Variants in TYW1 observed in about 807,000 individuals in gnomAD.
TYW1 encodes S-adenosyl-L-methionine-dependent tRNA 4-demethylwyosine synthase TYW1.
A neutral mutation model predicts 96.2 loss-of-function variants in TYW1; 46 were observed. That is an observed-to-expected ratio of 0.48 (90% confidence interval 0.38 to 0.61). The LOEUF (loss-of-function observed/expected upper bound fraction) is 0.61, where lower values mean the gene tolerates loss of function less well. Ranked by LOEUF, TYW1 falls within the 20% of genes least tolerant of loss-of-function variation. TYW1 has a pLI of 0.00. For synonymous variants in TYW1, 274 were observed against 323.0 expected (o/e 0.85, Z 1.63); for missense variants, 684 against 909.6 (o/e 0.75, Z 3.19).
chr7:67,037,252 C>T (rs185346521), intron 7 of TYW1, among the ~76,000 whole-genome samples: 219 of 152,136 alleles, frequency 1.4e-3, no homozygotes, highest in Non-Finnish European at 2.1e-3. Context: ...TCACACCTGT[C>T]ATCCCAGCAT....
chr7:67,160,752 C>T (rs1263765243), intron 13 of TYW1, among the ~76,000 whole-genome samples: 1 of 151,374 alleles, frequency 6.6e-6, no homozygotes, highest in Non-Finnish European at 1.5e-5. Context: ...CCACCATGCC[C>T]AGCTAATTTT....
At chr7:67,094,188 G>A (rs1381877097) in intron 11 of TYW1, among the ~76,000 whole-genome samples, 2 of 152,056 alleles carry the variant, frequency 1.3e-5, no homozygotes, top group Non-Finnish European at 2.9e-5. Context: ...TCGTTTTTAT[G>A]GCTGCATAGT....
At chr7:67,074,513 G>A (rs1272078837) in intron 10 of TYW1, among the ~76,000 whole-genome samples, 2 of 152,138 alleles carry the variant, frequency 1.3e-5, no homozygotes, top group African/African-American at 4.8e-5. Context: ...TCCTTAATGA[G>A]ATTTTTAGAA....
At chr7:67,159,649 CCAAT>C (rs1156827124) in intron 13 of TYW1, among the ~76,000 whole-genome samples, 1 of 151,968 alleles carries the variant, frequency 6.6e-6, no homozygotes, top group Non-Finnish European at 1.5e-5. Context: ...GCCACTATTC[CCAAT>C]CATTCAATAT....
chr7:67,025,694 C>T (rs967914884), intron 7 of TYW1, among the ~76,000 whole-genome samples: 3 of 152,038 alleles, frequency 2.0e-5, no homozygotes, highest in African/African-American at 7.2e-5. Flanking sequence ...GTTTCAGTGA[C>T]TAGATGAATG....
At chr7:67,186,268 C>CCCA (rs1370525096) in intron 14 of TYW1, among the ~76,000 whole-genome samples, 1 of 66,156 alleles carries the variant, frequency 1.5e-5, no homozygotes, top group East Asian at 5.0e-4. Context: ...CCTTTCTTCC[C>CCCA]CCCCGCCCCA....
intron 13 of TYW1, among the ~76,000 whole-genome samples, chr7:67,175,170 A>ATT (rs371564844): frequency 0.039 from 5,281 of 136,740 alleles, 156 homozygotes; most frequent in Middle Eastern, 0.093. Flanking sequence ...TTAGTTCAGA[A>ATT]TTTTTTTTTT....
chr7:67,053,802 G>A (rs1795434072), intron 8 of TYW1, among the ~76,000 whole-genome samples: 1 of 152,198 alleles, frequency 6.6e-6, no homozygotes. Flanking sequence ...TGAATGTGCT[G>A]AACAGTACTT....
chr7:67,210,820 C>A (rs1487998724), intron 15 of TYW1, among the ~76,000 whole-genome samples: 1 of 149,590 alleles, frequency 6.7e-6, no homozygotes, highest in Non-Finnish European at 1.5e-5. Flanking sequence ...TCCAGCTAAT[C>A]TCTGTCTATT....
In TYW1 at chr7:67,228,970, T is replaced by G. The variant is rs1260888091; in HGVS notation, c.1978-9338T>G. ...CTTGCCTGTAACTGTTAGGAACTAG[T>G]TCATGTAATGGGAGGAGAATGTACT... is the stretch of plus-strand genomic sequence containing the variant. On this transcript the variant is annotated intron_variant, in intron 15 of 15. Coordinates refer to ENST00000359626, the MANE Select transcript of TYW1 (RefSeq NM_018264.4). Among the ~76,000 whole-genome samples, 6 of 152,242 alleles carry G rather than the reference T, an allele frequency of 3.9e-5. No homozygotes were observed. The South Asian group carries it at 8.3e-4, about 21-fold the overall frequency.
At chr7:67,109,771 T>C (rs1227212274) in intron 12 of TYW1, among the ~76,000 whole-genome samples, 1 of 152,096 alleles carries the variant, frequency 6.6e-6, no homozygotes, top group Non-Finnish European at 1.5e-5. Context: ...TCCCAGCTAC[T>C]CGAGAGGCTG....
chr7:67,199,277 A>AT, intron 15 of TYW1, among the ~76,000 whole-genome samples: 1 of 152,208 alleles, frequency 6.6e-6, no homozygotes, highest in East Asian at 1.9e-4. Flanking sequence ...TTGAGGTTGT[A>AT]TGTCCTCAGA....
chr7:67,004,691 A>G (rs1209452888), intron 3 of TYW1, among the ~76,000 whole-genome samples: 1 of 152,150 alleles, frequency 6.6e-6, no homozygotes, highest in Non-Finnish European at 1.5e-5. Context: ...GTTTGCCTGA[A>G]AGGATCTTGT....
At chr7:67,040,155 A>G (rs1182819321) in intron 7 of TYW1, among the ~76,000 whole-genome samples, 2 of 149,966 alleles carry the variant, frequency 1.3e-5, no homozygotes, top group Non-Finnish European at 3.0e-5. Context: ...TGGGGTTTTT[A>G]CCGTGTTGGC....
intron 11 of TYW1, among the ~76,000 whole-genome samples, chr7:67,094,259 G>A (rs891772222): frequency 1.1e-4 from 17 of 152,064 alleles, no homozygotes; most frequent in Non-Finnish European, 2.9e-5. Flanking sequence ...GGACACTTAG[G>A]TCATGGTTTC....
chr7:67,189,402 CGT>C lies in TYW1; in HGVS notation c.1810-5763_1810-5762del, dbSNP rs1800134456. Among the ~76,000 whole-genome samples, 5 of 150,874 alleles carry C rather than the reference CGT, an allele frequency of 3.3e-5. No homozygotes were observed. The Middle Eastern group carries it at 0.01, about 308-fold the overall frequency. Reference sequence around the variant, plus strand: ...TGTGTGTTCATGTGTGTGTTGTGTGCGTGTGTTGTGTGTATGTGCATGTGTGT... The same window carrying C: ...TGTGTGTTCATGTGTGTGTTGTGTGCGTGTTGTGTGTATGTGCATGTGTGT... On this transcript the variant is annotated intron_variant, in intron 14 of 15. Transcript: ENST00000359626.
chr7:67,143,143 T>C (rs1417710521), intron 13 of TYW1, among the ~76,000 whole-genome samples: 1 of 152,206 alleles, frequency 6.6e-6, no homozygotes, highest in Non-Finnish European at 1.5e-5. Context: ...TTGGAGACTT[T>C]GTTTATACTA....
At chr7:67,119,735 G>C (rs1393275895) in intron 13 of TYW1, among the ~76,000 whole-genome samples, 1 of 151,906 alleles carries the variant, frequency 6.6e-6, no homozygotes, top group Non-Finnish European at 1.5e-5. Flanking sequence ...CCTTCCTTAT[G>C]TCTGAATTCT....
At chr7:67,181,960 C>T (rs1166256442) in intron 13 of TYW1, among the ~76,000 whole-genome samples, 1 of 152,148 alleles carries the variant, frequency 6.6e-6, no homozygotes, top group Non-Finnish European at 1.5e-5. Flanking sequence ...TCCCAAGTAG[C>T]TGGGATTACA....
Sources: allele counts gnomAD v4.1 joint callset (sites outside exome capture counted in the v4.1 genomes callset), GRCh38; gene constraint gnomAD v4.1.1; transcripts MANE v1.5; gene names NCBI Gene and HGNC (gene_info 2026-07-23, HGNC 2026-07-21).